The following ZFHX4 variants were observed in gnomAD, a reference collection of about 807,000 sequenced individuals.
ZFHX4 encodes zinc finger homeobox protein 4.
A neutral mutation model predicts 267.6 loss-of-function variants in ZFHX4; 56 were observed. That is an observed-to-expected ratio of 0.21 (90% CI 0.17 to 0.26). The LOEUF is 0.26. Among genes scored for constraint, ZFHX4 ranks in the 10% least tolerant of loss-of-function variants. ZFHX4 has a pLI of 1.00. For missense variants in ZFHX4, 4,332 were observed against 4,420.0 expected, an observed-to-expected ratio of 0.98 and a Z score of 0.56; for synonymous variants, 1,778 against 1,665.6, an observed-to-expected ratio of 1.07 and a Z score of -1.64.
In ZFHX4 at chr8:76,849,147, CT is replaced by C. The variant is rs1563556506; in HGVS notation, c.3645+22del. 5 of 1,536,636 alleles carry C rather than the reference CT, an allele frequency of 3.3e-6. No homozygotes were observed. In the Admixed American group the frequency reaches 1.1e-4, roughly 33 times the overall value. On this transcript the variant is annotated intron_variant, in intron 7 of 10. Transcript: ENST00000651372. ...TGAACAGGTAAATACTTTTTTTCCC[CT>C]TTACTGTGTAAATCTTTATTTTTTA... is the stretch of plus-strand genomic sequence containing the variant.
At chr8:76,763,130 A>G (rs1375238930) in intron 3 of ZFHX4, among the ~76,000 whole-genome samples, 1 of 152,124 alleles carries the variant, frequency 6.6e-6, no homozygotes, top group Non-Finnish European at 1.5e-5. Context: ...TCTTTCTTCT[A>G]TGCCACCGTC....
chr8:76,834,239 T>C, intron 5 of ZFHX4: 1 of 355,468 alleles, frequency 2.8e-6, no homozygotes, highest in African/African-American at 2.1e-5. Context: ...TCAACTCCCT[T>C]TGATAAATGC....
At chr8:76,728,959 C>T (rs1180493549) in intron 3 of ZFHX4, among the ~76,000 whole-genome samples, 1 of 152,144 alleles carries the variant, frequency 6.6e-6, no homozygotes, top group Non-Finnish European at 1.5e-5. Context: ...CAAATAATCT[C>T]ATGATGATGA....
At position 76,863,736 on chromosome 8, in the gene ZFHX4, A is replaced by C. The variant is rs376546401; in HGVS notation, c.10022A>C (p.Gln3341Pro). Residue 3341 changes from glutamine to proline, a missense_variant, in exon 11 of 11, where the codon CAG becomes CCG. Gln to Pro is a moderately conservative substitution (Grantham distance 76). This residue lies in a region of ZFHX4 where 1,648 missense variants were observed against 1,625.0 expected (regional missense o/e 1.01). Coordinates refer to ENST00000651372, the MANE Select transcript of ZFHX4 (RefSeq NM_024721.5). ...QKQQKQQQEQ[Q>P]QKPVQAKTSK... ...CAGCAAAAGCAACAGCAAGAACAGCAGCAGAAACCAGTTCAGGCAAAGACA... is the reference window on the plus strand; with the variant it reads ...CAGCAAAAGCAACAGCAAGAACAGCCGCAGAAACCAGTTCAGGCAAAGACA... 7.1e-6 allele frequency: 11 copies of C among 1,556,160 alleles called. No homozygotes were observed. Among genetic ancestry groups the C allele is most frequent in the Non-Finnish European group, 8.7e-6 (10 of 1,149,478 alleles).
At chr8:76,701,572 G>A (rs1039636522) in intron 1 of ZFHX4, among the ~76,000 whole-genome samples, 1 of 152,138 alleles carries the variant, frequency 6.6e-6, no homozygotes, top group African/African-American at 2.4e-5. Context: ...ATACATTGCA[G>A]GGTTTATTCC....
At chr8:76,782,733 A>G (rs1442221170) in intron 4 of ZFHX4, among the ~76,000 whole-genome samples, 1 of 151,990 alleles carries the variant, frequency 6.6e-6, no homozygotes, top group Non-Finnish European at 1.5e-5. Flanking sequence ...CCGAAAGACC[A>G]TCTGTTTATG....
intron 3 of ZFHX4, among the ~76,000 whole-genome samples, chr8:76,738,588 C>T (rs1585896577): frequency 6.6e-6 from 1 of 150,794 alleles, no homozygotes; most frequent in Non-Finnish European, 1.5e-5. Flanking sequence ...TTTGTTTCTA[C>T]TTTCTTTCTT....
At chr8:76,803,998 A>C (rs1339474583) in intron 4 of ZFHX4, among the ~76,000 whole-genome samples, 3 of 152,126 alleles carry the variant, frequency 2.0e-5, no homozygotes, top group East Asian at 1.9e-4. Context: ...TAAGTCCAGC[A>C]GTCTTTTTAA....
intron 3 of ZFHX4, among the ~76,000 whole-genome samples, chr8:76,758,027 G>A (rs1011933661): frequency 7.2e-5 from 11 of 152,102 alleles, no homozygotes; most frequent in African/African-American, 1.7e-4. Context: ...AACACTGTTC[G>A]TTCATTTCCA....
chr8:76,803,110 T>C (rs1434151485), intron 4 of ZFHX4, among the ~76,000 whole-genome samples: 1 of 152,142 alleles, frequency 6.6e-6, no homozygotes, highest in East Asian at 1.9e-4. Context: ...CAACCAACAG[T>C]AAGCAATATC....
At chr8:76,687,168 AAC>A (rs1180034436) in intron 1 of ZFHX4, among the ~76,000 whole-genome samples, 2 of 152,214 alleles carry the variant, frequency 1.3e-5, no homozygotes, top group African/African-American at 2.4e-5. Context: ...GGATTGTGGA[AAC>A]ACATAACTAG....
chr8:76,855,542 A>T lies in ZFHX4; in HGVS notation c.8621A>T (p.His2874Leu). ...FLFSLTSPSI[H>L]FNDKDGDHDQ... ...TTTTCTCTCACAAGCCCATCCATCC[A>T]TTTCAATGACAAAGATGGCGACCAC... The change falls in exon 10 of 11, where the codon CAT becomes CTT. Residue 2874 changes from histidine to leucine, a missense_variant. Physicochemically the swap from His to Leu is moderately conservative, Grantham distance 99. Around this residue, in one of 7 missense-constraint regions of ZFHX4, gnomAD observed 1,648 missense variants for 1,625.0 expected, o/e 1.01. Transcript: ENST00000651372. 1 of 1,613,848 alleles carries T rather than the reference A, an allele frequency of 6.2e-7. No individual in the cohort carries two copies. Among genetic ancestry groups the T allele is most frequent in the East Asian group, 2.2e-5 (1 of 44,842 alleles).
chr8:76,833,234 C>A, intron 4 of ZFHX4, 104 bp from the exon 5 acceptor site: 1 of 814,746 alleles, frequency 1.2e-6, no homozygotes, highest in Non-Finnish European at 2.0e-6. Flanking sequence ...TCACCTGATA[C>A]TTATCTCTCC....
intron 3 of ZFHX4, among the ~76,000 whole-genome samples, chr8:76,755,175 A>G (rs1460138486): frequency 6.6e-6 from 1 of 152,034 alleles, no homozygotes; most frequent in Non-Finnish European, 1.5e-5. Context: ...ACAATTTTTC[A>G]TTGAGTTATT....
intron 10 of ZFHX4, among the ~76,000 whole-genome samples, chr8:76,861,558 C>A (rs1812868082): frequency 6.6e-6 from 1 of 151,056 alleles, no homozygotes; most frequent in South Asian, 2.1e-4. Context: ...AGAGGAGCAG[C>A]CAATAATACC....
chr8:76,855,160 G>A lies in ZFHX4; in HGVS notation c.8239G>A (p.Glu2747Lys), dbSNP rs774224206. Residue 2747 changes from glutamate (E) to lysine (K), a missense_variant, in exon 10 of 11, where the codon GAA becomes AAA. Around this residue, in one of 7 missense-constraint regions of ZFHX4, gnomAD observed 1,648 missense variants for 1,625.0 expected, o/e 1.01. Coordinates refer to ENST00000651372, the MANE Select transcript of ZFHX4 (RefSeq NM_024721.5). ...LTKIDLSSEN[E>K]LASTVSTPVS... ...TAAAATTGATCTATCAAGTGAGAATGAATTGGCTTCTACAGTGTCAACACC... is the reference window on the plus strand; with the variant it reads ...TAAAATTGATCTATCAAGTGAGAATAAATTGGCTTCTACAGTGTCAACACC... 14 of 1,613,600 alleles carry A rather than the reference G, an allele frequency of 8.7e-6. No individual in the cohort carries two copies. The highest frequency in any genetic ancestry group is 1.2e-5 in the Non-Finnish European group (14 of 1,179,784).
At chr8:76,759,308 A>C (rs1809847676) in intron 3 of ZFHX4, among the ~76,000 whole-genome samples, 1 of 152,206 alleles carries the variant, frequency 6.6e-6, no homozygotes, top group African/African-American at 2.4e-5. Flanking sequence ...TATTTTACTT[A>C]ATTTGCTCTT....
chr8:76,708,253 TCA>T, intron 3 of ZFHX4: 1 of 646,354 alleles, frequency 1.5e-6, no homozygotes, highest in Non-Finnish European at 2.6e-6. Context: ...ACCCTATGTC[TCA>T]CTTACACCTG....
intron 3 of ZFHX4, among the ~76,000 whole-genome samples, chr8:76,771,231 C>A (rs1205309294): frequency 6.6e-6 from 1 of 152,062 alleles, no homozygotes; most frequent in Non-Finnish European, 1.5e-5. Context: ...CTCTTCACAG[C>A]CCTTATACTA....
Sources: gnomAD v4.1 joint callset for allele counts (sites outside exome capture counted in the v4.1 genomes callset) on GRCh38, gnomAD v4.1.1 for gene constraint, gnomAD v4.1.1 regional missense constraint, MANE v1.5 for transcripts, NCBI Gene and HGNC (gene_info 2026-07-23, HGNC 2026-07-21) for gene names.